ERMN: variants seen among roughly 807,000 people sequenced by gnomAD.
The protein encoded by ERMN is ermin, ERM-like protein.
A neutral mutation model predicts 21.4 loss-of-function variants in ERMN; 17 were observed. The observed-to-expected ratio is 0.80, with a 90% CI of 0.54 to 1.19. The LOEUF (loss-of-function observed/expected upper bound fraction) is 1.19. Ranked by LOEUF, ERMN falls within the 50% of genes most tolerant of loss-of-function variation. The pLI is 0.00. For synonymous variants in ERMN, 115 were observed against 111.9 expected (o/e 1.03, Z -0.17); for missense variants, 348 against 331.6 (o/e 1.05, Z -0.38).
chr2:157,319,656 C>G lies in ERMN; in HGVS notation c.*1615G>C, dbSNP rs960564726. 1.3e-5 allele frequency: 2 copies of G among 152,152 alleles called. No individual in the cohort carries two copies. The highest frequency in any genetic ancestry group is 6.6e-5 in the Admixed American group (1 of 15,258). 9.4% of individuals were successfully genotyped at this position (152,152 alleles called of 1,614,324 possible). On this transcript the variant is annotated 3_prime_UTR_variant, in exon 3 of 3. Coordinates refer to ENST00000410096, the MANE Select transcript of ERMN (RefSeq NM_020711.3). ...ATCAATAAAGACCTGATTTCCCTCA[C>G]TTTATTCTGGAAACTGATATTGTAA...
rs1288291239 is a variant in ERMN at position 157,320,418 on chromosome 2, TAGAG to T, written c.*849_*852del. The T allele has an allele frequency of 6.6e-6, 1 of 152,632 alleles. No homozygotes were observed. 9.5% of individuals were successfully genotyped at this position (152,632 alleles called of 1,614,324 possible). On this transcript the variant is annotated 3_prime_UTR_variant, in exon 3 of 3. Transcript: ENST00000410096. ...CTGTTAATAAGAGAAAATGTGGTAA[TAGAG>T]AGGGGCATTTTCTTAAAATTGTGCT... is the stretch of plus-strand genomic sequence containing the variant.
At chr2:157,325,843 T>C, upstream of ERMN, 7 of 1,425,134 alleles carry the variant, frequency 4.9e-6, no homozygotes, top group Non-Finnish European at 6.4e-6. Context: ...AGCAAGAGGA[T>C]TTGTCAGATC....
intron 1 of ERMN, 117 bp downstream of exon 1, chr2:157,325,285 G>C: frequency 7.4e-7 from 1 of 1,346,166 alleles, no homozygotes; most frequent in South Asian, 1.2e-5. Flanking sequence ...ATGCGTAGTA[G>C]AATAAAGGGC....
At position 157,322,600 on chromosome 2, in the gene ERMN, T is replaced by C. The variant is rs548452451; in HGVS notation, c.335-809A>G. ...TCTATAAGTAAGGTGAGAGGCAATG[T>C]TCCTCTTTGTCTTTTTCCTCCACAA... On this transcript the variant is annotated intron_variant, in intron 2 of 2. Coordinates refer to ENST00000410096, the MANE Select transcript of ERMN (RefSeq NM_020711.3). Among the ~76,000 whole-genome samples, 200 of 152,184 alleles carry C rather than the reference T, an allele frequency of 1.3e-3. 1 individual carries two copies. The highest frequency in any genetic ancestry group is 1.3e-3 in the Non-Finnish European group (90 of 68,020).
At position 157,324,724 on chromosome 2, in the gene ERMN, T is replaced by C. The variant is rs1321242308; in HGVS notation, c.280A>G (p.Ile94Val). 4 of 1,613,654 alleles carry C rather than the reference T, an allele frequency of 2.5e-6. No homozygotes were observed. Among genetic ancestry groups the C allele is most frequent in the Non-Finnish European group, 2.5e-6 (3 of 1,179,718 alleles). ...GTTTCTTGGAGAGAAAGATCTGTGA[T>C]AGCCTTATGAACAATAAAGAGTTTC... is the stretch of plus-strand genomic sequence containing the variant. ...EEKLFIVHKA[I>V]TDLSLQETSA... The change falls in exon 2 of 3, where the codon ATC becomes GTC. Residue 94 changes from isoleucine (I) to valine (V), a missense_variant. Transcript: ENST00000410096.
rs1351672867 is a variant in ERMN at position 157,321,752 on chromosome 2, TG to T, written c.373del (p.Gln125ArgfsTer3). 6.2e-7 allele frequency: 1 copy of T among 1,612,752 alleles called. No individual in the cohort carries two copies. The highest frequency in any genetic ancestry group is 8.5e-7 in the Non-Finnish European group (1 of 1,179,814). The stretch of plus-strand genomic sequence containing the variant: ...CCTCTCCTTCTGTCTTCTTATTTCC[TG>T]GTTACTGCCACTCAGAGGAATCTTC... ...WEKIPLSGSN[Q>X]EIRRQKERIT... On this transcript the variant is annotated frameshift_variant, in exon 3 of 3. Coordinates refer to ENST00000410096, the MANE Select transcript of ERMN (RefSeq NM_020711.3). LOFTEE classifies it low-confidence loss of function (END_TRUNC).
upstream of ERMN, chr2:157,327,275 T>A: frequency 3.6e-6 from 2 of 559,002 alleles, no homozygotes; most frequent in East Asian, 6.0e-5. Context: ...CACTCTTGTA[T>A]AATCCCCTCT....
chr2:157,324,767 G>GA lies in ERMN; in HGVS notation c.242-6dup. 2 of 1,583,706 alleles carry GA rather than the reference G, an allele frequency of 1.3e-6. No homozygotes were observed. Among genetic ancestry groups the GA allele is most frequent in the South Asian group, 1.2e-5 (1 of 86,506 alleles). On this transcript the variant is annotated splice_region_variant and splice_polypyrimidine_tract_variant and intron_variant, in intron 1 of 2. Coordinates refer to ENST00000410096, the MANE Select transcript of ERMN (RefSeq NM_020711.3). ...AGAGTTTCTCTTCTGGGTTTTCTAG[G>GA]AAAAAAATATAAAATCAGTATTTTA...
chr2:157,324,272 C>CA (rs748983472), intron 2 of ERMN: 3,319 of 94,602 alleles, frequency 0.035, 26 homozygotes, highest in African/African-American at 0.06. Flanking sequence ...CACTCCGTCT[C>CA]AAAAAAAAAA....
At chr2:157,326,717 G>A (rs1244103844), upstream of ERMN, among the ~76,000 whole-genome samples, 1 of 152,120 alleles carries the variant, frequency 6.6e-6, no homozygotes, top group Non-Finnish European at 1.5e-5. Flanking sequence ...CTCCTTCTAT[G>A]TGAAATGCCC....
In ERMN at chr2:157,325,545, A is replaced by G. The variant is rs751108737; in HGVS notation, c.98T>C (p.Leu33Ser). 6.2e-7 allele frequency: 1 copy of G among 1,614,144 alleles called. No individual in the cohort carries two copies. Among genetic ancestry groups the G allele is most frequent in the South Asian group, 1.1e-5 (1 of 91,080 alleles). Residue 33 changes from leucine (L) to serine (S), a missense_variant, in exon 1 of 3, where the codon TTG becomes TCG. By Grantham distance (145) the Leu-to-Ser change is moderately radical. Transcript: ENST00000410096. ...QQTITKISEE[L>S]TDVDSPLPHY... ...TGGCAGGGGGCTGTCCACATCAGTC[A>G]ATTCCTCACTGATTTTAGTGATTGT... is the stretch of plus-strand genomic sequence containing the variant.
upstream of ERMN, chr2:157,325,916 T>C: frequency 2.2e-6 from 3 of 1,362,548 alleles, no homozygotes; most frequent in Non-Finnish European, 2.8e-6. Context: ...GCCAGTTCCC[T>C]GGCAGAGTTA....
intron 2 of ERMN, among the ~76,000 whole-genome samples, chr2:157,323,446 C>T (rs897227098): frequency 6.6e-5 from 10 of 152,188 alleles, no homozygotes; most frequent in African/African-American, 2.4e-4. Context: ...AGTGTTGCTA[C>T]ACTGCTAAGC....
upstream of ERMN, chr2:157,327,677 G>T: frequency 1.8e-6 from 1 of 566,078 alleles, no homozygotes; most frequent in South Asian, 2.2e-5. Context: ...TCCCACAGGG[G>T]TTCGGCATTA....
In ERMN at chr2:157,324,735, A is replaced by T. The variant is rs761304136; in HGVS notation, c.269T>A (p.Val90Asp). 6.2e-7 allele frequency: 1 copy of T among 1,612,644 alleles called. No homozygotes were observed. Among genetic ancestry groups the T allele is most frequent in the Non-Finnish European group, 8.5e-7 (1 of 1,179,408 alleles). ...KENPEEKLFI[V>D]HKAITDLSLQ... ...AGAAAGATCTGTGATAGCCTTATGA[A>T]CAATAAAGAGTTTCTCTTCTGGGTT... is the stretch of plus-strand genomic sequence containing the variant. The change falls in exon 2 of 3, where the codon GTT becomes GAT. Residue 90 changes from valine (V) to aspartate (D), a missense_variant. Transcript: ENST00000410096.
chr2:157,322,140 C>A (rs1683925866), intron 2 of ERMN, among the ~76,000 whole-genome samples: 1 of 151,034 alleles, frequency 6.6e-6, no homozygotes, highest in African/African-American at 2.4e-5. Flanking sequence ...TTCCCTGAGA[C>A]ACACTTAAAA....
chr2:157,323,816 G>A (rs1006875944), intron 2 of ERMN, among the ~76,000 whole-genome samples: 2 of 152,040 alleles, frequency 1.3e-5, no homozygotes, highest in Non-Finnish European at 2.9e-5. Context: ...TCACTTCAAT[G>A]TTCTTTTTAT....
At chr2:157,321,855 G>A in intron 2 of ERMN, 64 bp from the exon 3 acceptor site, 1 of 1,368,310 alleles carries the variant, frequency 7.3e-7, no homozygotes. Flanking sequence ...CCATTAGTCT[G>A]TTATTCTCCA....
rs1460804081 is a variant in ERMN, at chr2:157,321,342, A to C, written c.784T>G (p.Ser262Ala). The change falls in exon 3 of 3, where the codon TCC (serine) becomes GCC (alanine). Residue 262 changes from serine to alanine, a missense_variant. Physicochemically the swap from Ser to Ala is moderately conservative, Grantham distance 99 (BLOSUM62 1). Coordinates refer to ENST00000410096, the MANE Select transcript of ERMN (RefSeq NM_020711.3). ...TTTCCCTTTCTGATTTTCCGATAGG[A>C]TATTGTATTGTATCTGGAATAAGCA... Reference protein sequence around the residue: ...RNAYSRYNTISYRKIRKGNTK... With the variant: ...RNAYSRYNTIAYRKIRKGNTK... 1 of 1,613,924 alleles carries C rather than the reference A, an allele frequency of 6.2e-7. No homozygotes were observed. Among genetic ancestry groups the C allele is most frequent in the Admixed American group, 1.7e-5 (1 of 59,992 alleles).
Sources: allele counts gnomAD v4.1 joint callset (sites outside exome capture counted in the v4.1 genomes callset), GRCh38; gene constraint gnomAD v4.1.1; transcripts MANE v1.5; gene names NCBI Gene and HGNC (gene_info 2026-07-23, HGNC 2026-07-21).